Variants in JARID2 observed in about 807,000 individuals in gnomAD.
The protein encoded by JARID2 is protein Jumonji.
A neutral mutation model predicts 125.6 loss-of-function variants in JARID2; 21 were observed. The observed-to-expected ratio is 0.17, with a 90% CI of 0.12 to 0.24. The LOEUF (loss-of-function observed/expected upper bound fraction) is 0.24. Ranked by LOEUF, JARID2 falls within the 10% of genes least tolerant of loss-of-function variation. The pLI, the probability that JARID2 is intolerant of heterozygous loss-of-function variation, is 1.00. For synonymous variants in JARID2, 736 were observed against 661.6 expected, an observed-to-expected ratio of 1.11 and a Z score of -1.73; for missense variants, 1,303 against 1,639.6, an observed-to-expected ratio of 0.79 and a Z score of 3.55.
At chr6:15,425,267 A>G (rs1171330658) in intron 3 of JARID2, among the ~76,000 whole-genome samples, 4 of 152,234 alleles carry the variant, frequency 2.6e-5, no homozygotes, top group Non-Finnish European at 4.4e-5. Context: ...GTGACCTCCA[A>G]GGAGCACATA....
At chr6:15,326,792 C>T (rs756444731) in intron 1 of JARID2, among the ~76,000 whole-genome samples, 3 of 152,244 alleles carry the variant, frequency 2.0e-5, no homozygotes, top group Admixed American at 6.5e-5. Context: ...TCAGCCACCA[C>T]GTCCAGCACA....
intron 8 of JARID2, among the ~76,000 whole-genome samples, chr6:15,503,557 G>T (rs1343461474): frequency 6.6e-6 from 1 of 152,090 alleles, no homozygotes; most frequent in East Asian, 1.9e-4. Context: ...CATGACACCT[G>T]GCACCTCCTC....
chr6:15,289,513 A>G (rs1007959486), intron 1 of JARID2, among the ~76,000 whole-genome samples: 1 of 152,010 alleles, frequency 6.6e-6, no homozygotes, highest in Non-Finnish European at 1.5e-5. Context: ...GATTACAGGC[A>G]TGAGCCACTG....
intron 1 of JARID2, among the ~76,000 whole-genome samples, chr6:15,335,514 T>G (rs1263328779): frequency 1.3e-5 from 2 of 152,198 alleles, no homozygotes; most frequent in African/African-American, 4.8e-5. Context: ...TTTGACTGTT[T>G]TAGAAGTTCT....
At chr6:15,465,788 CTGTTTGTTTGTT>C (rs549791539) in intron 4 of JARID2, among the ~76,000 whole-genome samples, 26 of 147,488 alleles carry the variant, frequency 1.8e-4, no homozygotes, top group African/African-American at 4.2e-4. Context: ...TTTTTTGTTG[CTGTTTGTTTGTT>C]TGTTTGTTTG....
At chr6:15,420,715 A>G (rs944381044) in intron 3 of JARID2, among the ~76,000 whole-genome samples, 2 of 152,164 alleles carry the variant, frequency 1.3e-5, no homozygotes, top group Non-Finnish European at 2.9e-5. Context: ...AGATCTGATT[A>G]TTAGGGAACA....
intron 1 of JARID2, among the ~76,000 whole-genome samples, chr6:15,301,797 A>G (rs1026404218): frequency 6.6e-5 from 10 of 152,192 alleles, no homozygotes; most frequent in Admixed American, 1.3e-4. Flanking sequence ...TATGTTGGTA[A>G]ACATGTTTTA....
intron 1 of JARID2, among the ~76,000 whole-genome samples, chr6:15,259,881 A>G (rs563507290): frequency 6.6e-6 from 1 of 152,292 alleles, no homozygotes; most frequent in East Asian, 1.9e-4. Flanking sequence ...ATCTGACTCA[A>G]GTTCACTTTC....
At chr6:15,391,972 T>C (rs1765027973) in intron 2 of JARID2, among the ~76,000 whole-genome samples, 1 of 152,034 alleles carries the variant, frequency 6.6e-6, no homozygotes, top group African/African-American at 2.4e-5. Context: ...CTGGAGGAAA[T>C]GTGCCCTTCA....
At chr6:15,337,740 C>T (rs1037962570) in intron 1 of JARID2, among the ~76,000 whole-genome samples, 4 of 150,546 alleles carry the variant, frequency 2.7e-5, no homozygotes, top group South Asian at 2.1e-4. Flanking sequence ...TGAGAAGGGT[C>T]CCCCTCCCAA....
chr6:15,321,920 G>A (rs1207498284), intron 1 of JARID2, among the ~76,000 whole-genome samples: 3 of 148,380 alleles, frequency 2.0e-5, no homozygotes, highest in African/African-American at 5.0e-5. Flanking sequence ...AGCCTCCCAA[G>A]TAGCTGGGAT....
At chr6:15,376,491 G>A (rs929292266) in intron 2 of JARID2, among the ~76,000 whole-genome samples, 1 of 152,154 alleles carries the variant, frequency 6.6e-6, no homozygotes, top group Non-Finnish European at 1.5e-5. Flanking sequence ...CGAGGAGGGA[G>A]GATTGCTGGA....
rs193178035 is a variant in JARID2 at position 15,473,855 on chromosome 6, A to C, written c.670+5137A>C. On this transcript the variant is annotated intron_variant, in intron 5 of 17. Coordinates refer to ENST00000341776, the MANE Select transcript of JARID2 (RefSeq NM_004973.4). Reference sequence around the variant, plus strand: ...CTTCCTTATGACGCCAGTGGAGGGAATGGAATAAAGCCAGCTTAGTAATAT... The same window carrying C: ...CTTCCTTATGACGCCAGTGGAGGGACTGGAATAAAGCCAGCTTAGTAATAT... 2.0e-3 allele frequency among the ~76,000 whole-genome samples: 311 copies of C among 152,278 alleles called. 1 individual carries two copies. The highest frequency in any genetic ancestry group is 3.5e-3 in the Non-Finnish European group (235 of 68,020).
chr6:15,252,360 AC>A (rs2127296554), intron 1 of JARID2, among the ~76,000 whole-genome samples: 1 of 152,264 alleles, frequency 6.6e-6, no homozygotes, highest in Non-Finnish European at 1.5e-5. Context: ...CCATTAACTA[AC>A]CAACTTCTGG....
intron 1 of JARID2, among the ~76,000 whole-genome samples, chr6:15,372,462 T>G (rs1764206767): frequency 6.6e-6 from 1 of 151,952 alleles, no homozygotes; most frequent in Admixed American, 6.6e-5. Context: ...CAGGTTCAAG[T>G]GATTCTCATG....
chr6:15,459,750 G>T (rs1457776135), intron 4 of JARID2, among the ~76,000 whole-genome samples: 2 of 152,204 alleles, frequency 1.3e-5, no homozygotes, highest in African/African-American at 2.4e-5. Context: ...TGTGGTCCTA[G>T]CCTTGAGTAT....
At chr6:15,326,609 C>A (rs1050843023) in intron 1 of JARID2, among the ~76,000 whole-genome samples, 1 of 152,234 alleles carries the variant, frequency 6.6e-6, no homozygotes, top group Admixed American at 6.5e-5. Flanking sequence ...TCAGACAGTT[C>A]TCATGCCTCA....
At chr6:15,327,497 C>T (rs1266699240) in intron 1 of JARID2, among the ~76,000 whole-genome samples, 1 of 152,020 alleles carries the variant, frequency 6.6e-6, no homozygotes, top group East Asian at 1.9e-4. Flanking sequence ...AGTGATACTG[C>T]ATTCAGCTGC....
rs1771043814 is a variant in JARID2, at chr6:15,507,124, T to C, written c.2542-12T>C. On this transcript the variant is annotated splice_polypyrimidine_tract_variant and intron_variant, in intron 9 of 17. Coordinates refer to ENST00000341776, the MANE Select transcript of JARID2 (RefSeq NM_004973.4). ...TTAGGGGTGCTGACCAGCCCTTTCC[T>C]GTTCCCTGCAGCAAGAGTACTGGAG... 1.9e-6 allele frequency: 3 copies of C among 1,568,868 alleles called. No individual in the cohort carries two copies. Among genetic ancestry groups the C allele is most frequent in the Non-Finnish European group, 2.6e-6 (3 of 1,138,938 alleles).
Sources: gnomAD v4.1 joint callset for allele counts (sites outside exome capture counted in the v4.1 genomes callset) on GRCh38, gnomAD v4.1.1 for gene constraint, MANE v1.5 for transcripts, NCBI Gene and HGNC (gene_info 2026-07-23, HGNC 2026-07-21) for gene names.